LGR5: variants seen among roughly 807,000 people sequenced by gnomAD.
LGR5 encodes the protein leucine-rich repeat-containing G protein-coupled receptor 5.
A neutral mutation model predicts 76.7 loss-of-function variants in LGR5; 54 were observed. That is an observed-to-expected ratio of 0.70 (90% CI 0.57 to 0.88). LGR5 has a LOEUF of 0.88. LGR5 is among the 40% of genes least tolerant of loss of function. LGR5 has a pLI of 0.00. For synonymous variants in LGR5, 406 were observed against 421.9 expected, an observed-to-expected ratio of 0.96 and a Z score of 0.46; for missense variants, 1,078 against 1,073.3, an observed-to-expected ratio of 1.00 and a Z score of -0.06.
At chr12:71,479,649 T>TG (rs1018473067) in intron 1 of LGR5, among the ~76,000 whole-genome samples, 19 of 149,848 alleles carry the variant, frequency 1.3e-4, no homozygotes, top group Middle Eastern at 6.8e-3. Context: ...AGGACTTATC[T>TG]GGGGGGGTGG....
chr12:71,458,848 T>A (rs994351064), intron 1 of LGR5, among the ~76,000 whole-genome samples: 5 of 151,994 alleles, frequency 3.3e-5, no homozygotes, highest in Non-Finnish European at 7.4e-5. Flanking sequence ...TATTTAAATG[T>A]AAATTATTAA....
intron 1 of LGR5, among the ~76,000 whole-genome samples, chr12:71,497,424 C>T (rs1248104794): frequency 2.6e-5 from 4 of 151,808 alleles, no homozygotes; most frequent in African/African-American, 4.8e-5. Context: ...AAAATTTATC[C>T]GGCCGGACAC....
At chr12:71,508,477 C>T (rs1458990735) in intron 2 of LGR5, among the ~76,000 whole-genome samples, 4 of 151,682 alleles carry the variant, frequency 2.6e-5, no homozygotes, top group African/African-American at 4.8e-5. Flanking sequence ...GTAACTCAGC[C>T]GGGCACAGGG....
chr12:71,571,527 A>G lies in LGR5; in HGVS notation c.1084A>G (p.Asn362Asp). The G allele has an allele frequency of 6.2e-7, 1 of 1,612,486 alleles. No individual in the cohort carries two copies. The highest frequency in any genetic ancestry group is 8.5e-7 in the Non-Finnish European group (1 of 1,178,890). Residue 362 changes from asparagine to aspartate, a missense_variant, in exon 12 of 18, where the codon AAC (asparagine) becomes GAC (aspartate). Coordinates refer to ENST00000266674, the MANE Select transcript of LGR5 (RefSeq NM_003667.4). ...TCTGTTTTTCAGAGATCTGTCTTAC[A>G]ACCTATTAGAAGATTTACCCAGTTT... ...PNLQVLDLSY[N>D]LLEDLPSFSV...
chr12:71,486,090 C>G (rs955013431), intron 1 of LGR5, among the ~76,000 whole-genome samples: 10 of 152,104 alleles, frequency 6.6e-5, no homozygotes, highest in African/African-American at 2.4e-4. Flanking sequence ...TAAGATCTAG[C>G]TGGTTTTATT....
At position 71,517,926 on chromosome 12, in the gene LGR5, A is replaced by G. The variant is rs74414013; in HGVS notation, c.285-6480A>G. ...ACTGCCTACATTCCACCTCGACCCT[A>G]GTGGCTCATCAGCTTGGACTTTTCT... On this transcript the variant is annotated intron_variant, in intron 2 of 17. Transcript: ENST00000266674. 1.4e-4 allele frequency among the ~76,000 whole-genome samples: 22 copies of G among 152,232 alleles called. No homozygotes were observed. In the East Asian group the frequency reaches 4.2e-3, roughly 29 times the overall value.
At chr12:71,514,942 T>C (rs547973199) in intron 2 of LGR5, among the ~76,000 whole-genome samples, 11 of 152,340 alleles carry the variant, frequency 7.2e-5, no homozygotes, top group Non-Finnish European at 1.5e-4. Flanking sequence ...AGAAAATTAG[T>C]TGATGAAATG....
chr12:71,575,364 G>T (rs1402109587), intron 13 of LGR5, among the ~76,000 whole-genome samples: 1 of 152,126 alleles, frequency 6.6e-6, no homozygotes, highest in Non-Finnish European at 1.5e-5. Flanking sequence ...TTGAAATGCA[G>T]AAATACCATT....
intron 2 of LGR5, among the ~76,000 whole-genome samples, chr12:71,513,574 C>T (rs1490416811): frequency 6.6e-6 from 1 of 152,198 alleles, no homozygotes; most frequent in East Asian, 1.9e-4. Context: ...GCCCATTCTG[C>T]CATCTGTAAA....
At chr12:71,514,899 A>G (rs1445325840) in intron 2 of LGR5, among the ~76,000 whole-genome samples, 2 of 152,160 alleles carry the variant, frequency 1.3e-5, no homozygotes, top group East Asian at 3.8e-4. Context: ...TTTTTCAAGG[A>G]GTATTAGGAA....
At chr12:71,484,413 C>A (rs1409488207) in intron 1 of LGR5, among the ~76,000 whole-genome samples, 1 of 152,150 alleles carries the variant, frequency 6.6e-6, no homozygotes, top group East Asian at 1.9e-4. Context: ...AATATTTGAG[C>A]TTTTAAATCT....
rs1351080788 is a variant in LGR5 at position 71,572,933 on chromosome 12, C to T, written c.1208+12C>T. 2 of 1,603,016 alleles carry T rather than the reference C, an allele frequency of 1.2e-6. No individual in the cohort carries two copies. Among genetic ancestry groups the T allele is most frequent in the South Asian group, 1.1e-5 (1 of 90,808 alleles). ...AGCCTCCGATCGCTGTGAGTATCAC[C>T]TCCCAGTGCGTTCCCCAGCACAGAG... On this transcript the variant is annotated intron_variant, in intron 13 of 17. Coordinates refer to ENST00000266674, the MANE Select transcript of LGR5 (RefSeq NM_003667.4).
chr12:71,554,903 A>G (rs1877682192), intron 5 of LGR5, among the ~76,000 whole-genome samples: 1 of 152,170 alleles, frequency 6.6e-6, no homozygotes, highest in Non-Finnish European at 1.5e-5. Context: ...CACATGTATA[A>G]TATAATAACC....
intron 4 of LGR5, among the ~76,000 whole-genome samples, chr12:71,545,819 C>T (rs1029132963): frequency 2.6e-5 from 4 of 151,796 alleles, no homozygotes; most frequent in African/African-American, 9.7e-5. Flanking sequence ...ACAACAATAG[C>T]AATAATGATC....
At chr12:71,481,136 G>A (rs1873581326) in intron 1 of LGR5, among the ~76,000 whole-genome samples, 1 of 152,116 alleles carries the variant, frequency 6.6e-6, no homozygotes, top group South Asian at 2.1e-4. Flanking sequence ...AGAACGTGCA[G>A]GTTACGTAGG....
chr12:71,567,545 G>A (rs929799242), intron 11 of LGR5, among the ~76,000 whole-genome samples: 3 of 152,142 alleles, frequency 2.0e-5, no homozygotes, highest in Non-Finnish European at 4.4e-5. Context: ...GTCCTCTCAA[G>A]CATGTTGGGA....
intron 17 of LGR5, among the ~76,000 whole-genome samples, chr12:71,583,030 A>G (rs1315142381): frequency 1.5e-5 from 2 of 136,458 alleles, no homozygotes; most frequent in Non-Finnish European, 3.2e-5. Flanking sequence ...AGGAAAGAGG[A>G]AGGGGAGGGG....
At chr12:71,514,509 A>T (rs557338091) in intron 2 of LGR5, among the ~76,000 whole-genome samples, 24 of 149,482 alleles carry the variant, frequency 1.6e-4, no homozygotes, top group Non-Finnish European at 2.2e-4. Flanking sequence ...CGGAGCTTGC[A>T]GTGAGCCCAG....
chr12:71,456,507 T>C (rs1467932965), intron 1 of LGR5, among the ~76,000 whole-genome samples: 3 of 152,096 alleles, frequency 2.0e-5, no homozygotes, highest in Admixed American at 1.3e-4. Flanking sequence ...TTGTTAAAAG[T>C]CGGCTGGGCA....
Sources: gnomAD v4.1 joint callset for allele counts (sites outside exome capture counted in the v4.1 genomes callset) on GRCh38, gnomAD v4.1.1 for gene constraint, MANE v1.5 for transcripts, NCBI Gene and HGNC (gene_info 2026-07-23, HGNC 2026-07-21) for gene names.